Variants in ATF1 observed in about 807,000 individuals in gnomAD.
ATF1 encodes the protein activating transcription factor 1, also known as cyclic AMP-dependent transcription factor ATF-1.
A neutral mutation model predicts 34.7 loss-of-function variants in ATF1; 16 were observed. The ratio of observed to expected loss-of-function variants is 0.46; its 90% CI spans 0.31 to 0.70. The LOEUF is 0.70. Ranked by LOEUF, ATF1 falls within the 30% of genes least tolerant of loss-of-function variation. The pLI is 0.05. For synonymous variants in ATF1, 105 were observed against 113.1 expected, an observed-to-expected ratio of 0.93 and a Z score of 0.46; for missense variants, 255 against 321.6, an observed-to-expected ratio of 0.79 and a Z score of 1.58.
chr12:50,799,789 T>A (rs1248331762), intron 3 of ATF1, among the ~76,000 whole-genome samples: 2 of 152,174 alleles, frequency 1.3e-5, no homozygotes, highest in Non-Finnish European at 2.9e-5. Flanking sequence ...CTTTGAAGAT[T>A]ATTCAATGGA....
intron 1 of ATF1, among the ~76,000 whole-genome samples, chr12:50,772,634 C>T (rs1407595722): frequency 1.3e-5 from 2 of 151,914 alleles, no homozygotes; most frequent in Non-Finnish European, 2.9e-5. Context: ...CCAAGTTGTC[C>T]CATTTCTAAA....
intron 3 of ATF1, among the ~76,000 whole-genome samples, chr12:50,801,569 G>A (rs533304111): frequency 8.7e-4 from 132 of 152,160 alleles, no homozygotes; most frequent in African/African-American, 2.9e-3. Flanking sequence ...AAAAATCCTC[G>A]ACAACATATT....
rs542687732 is a variant in ATF1 at position 50,820,450 on chromosome 12, G to T, written c.*671G>T. The T allele has an allele frequency of 4.4e-5, 8 of 183,732 alleles. No individual in the cohort carries two copies. Among genetic ancestry groups the T allele is most frequent in the Non-Finnish European group, 8.1e-5 (7 of 86,208 alleles). The allele number at this position is 183,732 out of a possible 1,614,324, so 11.4% of individuals were successfully genotyped here. ...AACATTTTTTATCAGAATGGAAAAA[G>T]AACTGTTTAAAAGTTTGATACTTTT... On this transcript the variant is annotated 3_prime_UTR_variant, in exon 7 of 7. Transcript: ENST00000262053.
chr12:50,763,715 C>A (rs980732577), upstream of ATF1: 10 of 151,764 alleles, frequency 6.6e-5, no homozygotes, highest in African/African-American at 2.2e-4. Context: ...GAGGACAGGG[C>A]CGGCGTCGGT....
chr12:50,814,570 A>T, intron 6 of ATF1, 131 bp downstream of exon 6: 1 of 1,022,348 alleles, frequency 9.8e-7, no homozygotes, highest in Non-Finnish European at 1.4e-6. Flanking sequence ...GGACCACATA[A>T]ATGAATGACG....
chr12:50,793,022 C>T (rs1472319955), intron 2 of ATF1, among the ~76,000 whole-genome samples: 3 of 152,052 alleles, frequency 2.0e-5, no homozygotes, highest in Non-Finnish European at 4.4e-5. Flanking sequence ...GGTCATCTCT[C>T]GTTTTTAGAA....
rs200406513 is a variant in ATF1, at chr12:50,783,047, A to AATGC, written c.93+2810_93+2813dup. Among the ~76,000 whole-genome samples the AATGC allele has an allele frequency of 6.0e-5, 9 of 150,784 alleles. No individual in the cohort carries two copies. In the East Asian group the frequency reaches 1.7e-3, roughly 29 times the overall value. On this transcript the variant is annotated intron_variant, in intron 2 of 6. Coordinates refer to ENST00000262053, the MANE Select transcript of ATF1 (RefSeq NM_005171.5). ...AAGGAAATTTGCAGAAATGTAAAAC[A>AATGC]ATGCCATTTCTCTCACTAATTTTTT...
intron 2 of ATF1, among the ~76,000 whole-genome samples, chr12:50,788,038 G>A (rs1232951902): frequency 6.6e-6 from 1 of 152,144 alleles, no homozygotes; most frequent in East Asian, 1.9e-4. Context: ...GGAGTTTGGG[G>A]ACATTGAAGA....
At chr12:50,764,789 C>T (rs1344356143) in intron 1 of ATF1, 1 of 152,360 alleles carries the variant, frequency 6.6e-6, no homozygotes, top group African/African-American at 2.4e-5. Flanking sequence ...GAGGCGCGCC[C>T]CTTACCCTCC....
chr12:50,809,101 T>G (rs562442299), intron 3 of ATF1, among the ~76,000 whole-genome samples: 6 of 151,908 alleles, frequency 3.9e-5, no homozygotes, highest in Non-Finnish European at 5.9e-5. Context: ...TGGCCGGGCA[T>G]GGTGGCACAT....
intron 1 of ATF1, among the ~76,000 whole-genome samples, chr12:50,765,513 T>G (rs902518699): frequency 2.6e-5 from 4 of 152,134 alleles, no homozygotes; most frequent in Non-Finnish European, 4.4e-5. Flanking sequence ...TTTTGTTTTG[T>G]TTTGTTTGTT....
chr12:50,773,623 T>C (rs1240140698), intron 1 of ATF1, among the ~76,000 whole-genome samples: 1 of 151,806 alleles, frequency 6.6e-6, no homozygotes, highest in African/African-American at 2.4e-5. Flanking sequence ...AGTCTTGCTC[T>C]CTTGCCCACG....
At chr12:50,814,820 C>CT (rs35936124) in intron 6 of ATF1, among the ~76,000 whole-genome samples, 32,742 of 140,570 alleles carry the variant, frequency 0.23, 4,555 homozygotes, top group Non-Finnish European at 0.32. Context: ...ATACCTTCTA[C>CT]TTTTTTTTTT....
chr12:50,802,334 G>A (rs1006941578), intron 3 of ATF1, among the ~76,000 whole-genome samples: 4 of 152,178 alleles, frequency 2.6e-5, no homozygotes, highest in Admixed American at 2.6e-4. Context: ...AGACCTGCCC[G>A]GCCAACATGG....
intron 6 of ATF1, among the ~76,000 whole-genome samples, chr12:50,818,615 T>C (rs1321177974): frequency 6.6e-6 from 1 of 152,136 alleles, no homozygotes; most frequent in East Asian, 1.9e-4. Context: ...TTTCTTTCTT[T>C]CTTTCTTTTT....
chr12:50,796,035 T>G, intron 3 of ATF1, 26 bp downstream of exon 3: 3 of 1,542,448 alleles, frequency 1.9e-6, no homozygotes, highest in Non-Finnish European at 2.7e-6. Context: ...TATGAAGCCC[T>G]GCATGTTATG....
intron 2 of ATF1, among the ~76,000 whole-genome samples, chr12:50,793,772 T>C (rs1433890653): frequency 1.3e-5 from 2 of 152,074 alleles, no homozygotes; most frequent in Non-Finnish European, 2.9e-5. Context: ...ATATGAAATA[T>C]AAATGAGTAG....
At chr12:50,794,055 C>A (rs994892531) in intron 2 of ATF1, among the ~76,000 whole-genome samples, 2 of 151,662 alleles carry the variant, frequency 1.3e-5, no homozygotes, top group South Asian at 4.2e-4. Flanking sequence ...GGTTCACGCC[C>A]TTCTCCTGCC....
intron 6 of ATF1, among the ~76,000 whole-genome samples, chr12:50,819,433 G>A (rs1941904396): frequency 6.6e-6 from 1 of 152,206 alleles, no homozygotes; most frequent in South Asian, 2.1e-4. Context: ...ATGTTCTGTT[G>A]TCTTGACAGA....
Sources: gnomAD v4.1 joint callset for allele counts (sites outside exome capture counted in the v4.1 genomes callset) on GRCh38, gnomAD v4.1.1 for gene constraint, MANE v1.5 for transcripts, NCBI Gene and HGNC (gene_info 2026-07-23, HGNC 2026-07-21) for gene names.